JAZF1: variants seen among roughly 807,000 people sequenced by gnomAD.
JAZF1 encodes the protein JAZF zinc finger 1.
A neutral mutation model predicts 26.4 loss-of-function variants in JAZF1; 8 were observed. The ratio of observed to expected loss-of-function variants is 0.30; its 90% confidence interval spans 0.18 to 0.55. The LOEUF (loss-of-function observed/expected upper bound fraction) is 0.55. JAZF1 is among the 20% of genes least tolerant of loss of function. JAZF1 has a pLI of 0.94. For missense variants in JAZF1, 199 were observed against 322.0 expected, an observed-to-expected ratio of 0.62 and a Z score of 2.92; for synonymous variants, 126 against 122.3, an observed-to-expected ratio of 1.03 and a Z score of -0.20.
chr7:28,035,313 C>CAAAAAAAAAAAAAAAAAAAAAAAAAAAA lies in JAZF1; in HGVS notation c.116-43360_116-43333dup, dbSNP rs201602870. Among the ~76,000 whole-genome samples the CAAAAAAAAAAAAAAAAAAAAAAAAAAAA allele has an allele frequency of 1.5e-4, 4 of 27,454 alleles. 1 individual carries two copies. The highest frequency in any genetic ancestry group is 2.7e-4 in the Non-Finnish European group (4 of 15,078). The allele number at this position is 27,454 out of a possible 152,430, so 18.0% of individuals were successfully genotyped here. The stretch of plus-strand genomic sequence containing the variant: ...TGGGCGACAAAGTGAGACTCCATCT[C>CAAAAAAAAAAAAAAAAAAAAAAAAAAAA]AAAAAAAAAAAAAAAAAAAAAAAAA... On this transcript the variant is annotated intron_variant, in intron 1 of 4. Transcript: ENST00000283928.
At position 28,033,187 on chromosome 7, in the gene JAZF1, A is replaced by C. The variant is rs545826218; in HGVS notation, c.116-41206T>G. On this transcript the variant is annotated intron_variant, in intron 1 of 4. Transcript: ENST00000283928. Reference sequence around the variant, plus strand: ...AGTTGACATAATGCTGACTCAAGTGAAAATAAGGAGACTGCACGGCCACTG... The same window carrying C: ...AGTTGACATAATGCTGACTCAAGTGCAAATAAGGAGACTGCACGGCCACTG... Among the ~76,000 whole-genome samples the C allele has an allele frequency of 2.9e-4, 44 of 152,316 alleles. No individual in the cohort carries two copies. The South Asian group carries it at 8.7e-3, about 30-fold the overall frequency.
intron 1 of JAZF1, among the ~76,000 whole-genome samples, chr7:28,073,040 T>C (rs541004245): frequency 3.9e-5 from 6 of 152,274 alleles, no homozygotes; most frequent in African/African-American, 1.4e-4. Flanking sequence ...ATACATGACT[T>C]TTTAAAATAG....
Position 27,832,862 on chromosome 7 carries a change from G to GC in JAZF1, c.669dup (p.His224AlafsTer13). ...GGGGGATGGAAATTGATTGTGTGGT[G>GC]CCGCAGGCCCTGAGCTGTCTTGTAA... is the stretch of plus-strand genomic sequence containing the variant. On this transcript the variant is annotated frameshift_variant, in exon 5 of 5. Coordinates refer to ENST00000283928, the MANE Select transcript of JAZF1 (RefSeq NM_175061.4). LOFTEE classifies it high-confidence loss of function. 1 of 1,611,808 alleles carries GC rather than the reference G, an allele frequency of 6.2e-7. No homozygotes were observed.
intron 1 of JAZF1, among the ~76,000 whole-genome samples, chr7:27,999,265 A>T (rs1786084502): frequency 6.6e-6 from 1 of 152,200 alleles, no homozygotes. Context: ...ATTTGTGTGC[A>T]CACACAAATA....
chr7:27,867,656 A>G (rs1783498472), intron 3 of JAZF1, among the ~76,000 whole-genome samples: 1 of 152,242 alleles, frequency 6.6e-6, no homozygotes, highest in Non-Finnish European at 1.5e-5. Context: ...CTTTGACATA[A>G]GCGATTGGGA....
intron 2 of JAZF1, among the ~76,000 whole-genome samples, chr7:27,907,536 TCTGATGTTGCATGGC>T (rs1166967568): frequency 6.6e-5 from 10 of 152,184 alleles, no homozygotes; most frequent in Admixed American, 5.2e-4. Context: ...AAAGTGCTTC[TCTGATGTTGCATGGC>T]CTTATCCTTA....
intron 1 of JAZF1, among the ~76,000 whole-genome samples, chr7:28,054,871 C>G (rs1163055224): frequency 6.6e-6 from 1 of 152,034 alleles, no homozygotes; most frequent in Non-Finnish European, 1.5e-5. Context: ...GGATTTACCT[C>G]ATAGACTTAC....
In JAZF1 at chr7:28,164,407, T is replaced by C. The variant is rs372695071; in HGVS notation, c.115+16056A>G. On this transcript the variant is annotated intron_variant, in intron 1 of 4. Transcript: ENST00000283928. Reference sequence around the variant, plus strand: ...ACTCTGATTTTTCTCTTGAACTTCATTGACTGCATGGGCATCCTGTCACTC... The same window carrying C: ...ACTCTGATTTTTCTCTTGAACTTCACTGACTGCATGGGCATCCTGTCACTC... 4.6e-5 allele frequency among the ~76,000 whole-genome samples: 7 copies of C among 152,244 alleles called. No individual in the cohort carries two copies. In the South Asian group the frequency reaches 6.2e-4, roughly 13 times the overall value.
At chr7:27,846,455 G>T (rs139537731) in intron 3 of JAZF1, 9 of 469,862 alleles carry the variant, frequency 1.9e-5, no homozygotes, top group African/African-American at 6.0e-5. Context: ...TTCATCCACC[G>T]ATGGACAAGT....
chr7:27,844,867 G>A (rs1333973414), intron 3 of JAZF1, among the ~76,000 whole-genome samples: 2 of 152,134 alleles, frequency 1.3e-5, no homozygotes, highest in Non-Finnish European at 2.9e-5. Context: ...AAAATGAGGG[G>A]ACCTTAAGGA....
At chr7:27,852,278 T>G (rs1364491810) in intron 3 of JAZF1, among the ~76,000 whole-genome samples, 1 of 151,960 alleles carries the variant, frequency 6.6e-6, no homozygotes, top group Non-Finnish European at 1.5e-5. Flanking sequence ...ATTACAGACG[T>G]GCGCCCCAAC....
chr7:27,871,672 A>G (rs1783584208), intron 3 of JAZF1, among the ~76,000 whole-genome samples: 1 of 152,242 alleles, frequency 6.6e-6, no homozygotes, highest in Non-Finnish European at 1.5e-5. Context: ...TTGTGCATCC[A>G]AGAGAAATGT....
intron 1 of JAZF1, among the ~76,000 whole-genome samples, chr7:28,140,193 C>T (rs1274059668): frequency 1.3e-5 from 2 of 151,550 alleles, no homozygotes; most frequent in Non-Finnish European, 2.9e-5. Context: ...AGCAATTCTC[C>T]TGCCTCAGCC....
In JAZF1 at chr7:27,995,730, G is replaced by A. The variant is rs138733976; in HGVS notation, c.116-3749C>T. 4.6e-3 allele frequency among the ~76,000 whole-genome samples: 698 copies of A among 152,226 alleles called. 8 individuals carry two copies. Among genetic ancestry groups the A allele is most frequent in the African/African-American group, 0.016 (664 of 41,526 alleles). ...TTCTGAATGCACAGCTCTATTATAA[G>A]GACTTGGCTATGTAACACTAGACAC... On this transcript the variant is annotated intron_variant, in intron 1 of 4. Coordinates refer to ENST00000283928, the MANE Select transcript of JAZF1 (RefSeq NM_175061.4).
At chr7:27,902,850 A>G (rs1784187932) in intron 2 of JAZF1, among the ~76,000 whole-genome samples, 1 of 152,070 alleles carries the variant, frequency 6.6e-6, no homozygotes, top group Non-Finnish European at 1.5e-5. Context: ...CCCCATCTCT[A>G]CTAAAAATAC....
chr7:27,848,136 A>C (rs944905792), intron 3 of JAZF1, among the ~76,000 whole-genome samples: 2 of 152,232 alleles, frequency 1.3e-5, no homozygotes, highest in African/African-American at 4.8e-5. Flanking sequence ...CACTGATTCC[A>C]TATGTCACTT....
intron 1 of JAZF1, among the ~76,000 whole-genome samples, chr7:28,095,326 C>G (rs146621357): frequency 2.0e-5 from 3 of 152,062 alleles, no homozygotes. Context: ...TCAGCATTAT[C>G]GGGGAGGCCT....
chr7:28,138,030 C>A (rs1232386441), intron 1 of JAZF1, among the ~76,000 whole-genome samples: 2 of 152,152 alleles, frequency 1.3e-5, no homozygotes, highest in South Asian at 2.1e-4. Context: ...TCACTCAGAG[C>A]CCTTGGTCTT....
chr7:28,008,070 C>T (rs377550222), intron 1 of JAZF1, among the ~76,000 whole-genome samples: 1 of 152,098 alleles, frequency 6.6e-6, no homozygotes, highest in Admixed American at 6.6e-5. Context: ...TTAAAAAACA[C>T]CAGAGGTTCT....
Sources: gnomAD v4.1 joint callset for allele counts (sites outside exome capture counted in the v4.1 genomes callset) on GRCh38, gnomAD v4.1.1 for gene constraint, MANE v1.5 for transcripts, NCBI Gene and HGNC (gene_info 2026-07-23, HGNC 2026-07-21) for gene names.